RPL27A: variants seen among roughly 807,000 people sequenced by gnomAD.
The protein encoded by RPL27A is large ribosomal subunit protein uL15.
For synonymous variants in RPL27A, 69 were observed against 68.3 expected (o/e 1.01, Z -0.05); for missense variants, 118 against 189.4 (o/e 0.62, Z 2.21).
rs966150865 is a variant in RPL27A at position 8,683,567 on chromosome 11, G to A, written c.67+302G>A. 2.0e-4 allele frequency: 107 copies of A among 530,978 alleles called. 1 individual carries two copies. In the Admixed American group the frequency reaches 3.5e-3, roughly 17 times the overall value. The allele number at this position is 530,978 out of a possible 1,614,324, so 32.9% of individuals were successfully genotyped here. ...GGAATCCTAAAGTAATCGCATTGCT[G>A]AAAACCGGCATCGGTAGGGTGGGAA... On this transcript the variant is annotated intron_variant, in intron 2 of 4. Coordinates refer to ENST00000314138, the MANE Select transcript of RPL27A (RefSeq NM_000990.5).
chr11:8,684,948 C>G, intron 4 of RPL27A, 56 bp downstream of exon 4: 1 of 1,521,410 alleles, frequency 6.6e-7, no homozygotes, highest in South Asian at 1.1e-5. Context: ...AAAACTCTGG[C>G]TTAATCTAAT....
chr11:8,689,335 T>G lies in RPL27A; in HGVS notation c.*3529T>G, dbSNP rs2039616967. The stretch of plus-strand genomic sequence containing the variant: ...AGCGTCAGCGACATTCAAGGGCACT[T>G]TGGGCTAAAAAAGAAAGTGCTTGTA... On this transcript the variant is annotated 3_prime_UTR_variant, in exon 5 of 5. Coordinates refer to ENST00000314138, the MANE Select transcript of RPL27A (RefSeq NM_000990.5). 6.6e-6 allele frequency: 1 copy of G among 152,210 alleles called. No individual in the cohort carries two copies. Among genetic ancestry groups the G allele is most frequent in the East Asian group, 1.9e-4 (1 of 5,200 alleles). The allele number at this position is 152,210 out of a possible 1,614,324, so 9.4% of individuals were successfully genotyped here.
intron 3 of RPL27A, chr11:8,684,426 G>A (rs928361766): frequency 2.8e-6 from 2 of 715,068 alleles, no homozygotes; most frequent in Non-Finnish European, 5.2e-6. Context: ...TATTATAGGA[G>A]TATGTAGATT....
At chr11:8,685,565 C>T (rs746416449) in intron 4 of RPL27A, 113 bp from the exon 5 acceptor site, 1 of 1,224,900 alleles carries the variant, frequency 8.2e-7, no homozygotes, top group Non-Finnish European at 1.2e-6. Flanking sequence ...AGATCAGAAA[C>T]ATACATACCC....
At chr11:8,683,012 C>T in intron 1 of RPL27A, 190 bp from the exon 2 acceptor site, 5 of 870,376 alleles carry the variant, frequency 5.7e-6, no homozygotes, top group Non-Finnish European at 7.1e-6. Flanking sequence ...GTTCGGATCT[C>T]TAGGACACGC....
intron 3 of RPL27A, 140 bp from the exon 4 acceptor site, chr11:8,684,578 G>A (rs2039566662): frequency 1.3e-6 from 1 of 743,810 alleles, no homozygotes; most frequent in Non-Finnish European, 2.3e-6. Flanking sequence ...AGTTGTTTAA[G>A]TCAACAGATG....
At chr11:8,684,913 T>C (rs1415818161) in intron 4 of RPL27A, 21 bp downstream of exon 4, 1 of 1,611,958 alleles carries the variant, frequency 6.2e-7, no homozygotes, top group Admixed American at 1.7e-5. Flanking sequence ...TGGATGTTTT[T>C]CTGTACTTCC....
At chr11:8,683,160 C>T (rs1204126847) in intron 1 of RPL27A, 42 bp from the exon 2 acceptor site, 9 of 1,594,252 alleles carry the variant, frequency 5.6e-6, no homozygotes, top group African/African-American at 4.0e-5. Context: ...CGCCCCCTGC[C>T]CCTAATTCCT....
chr11:8,684,220 A>G, intron 3 of RPL27A, 139 bp downstream of exon 3: 1 of 802,722 alleles, frequency 1.2e-6, no homozygotes, highest in South Asian at 1.3e-5. Flanking sequence ...TGAACTGAGA[A>G]CCTGTCATCG....
rs1272807581 is a variant in RPL27A at position 8,688,554 on chromosome 11, G to A, written c.*2748G>A. 1 of 152,174 alleles carries A rather than the reference G, an allele frequency of 6.6e-6. No individual in the cohort carries two copies. The highest frequency in any genetic ancestry group is 2.4e-5 in the African/African-American group (1 of 41,430). The allele number at this position is 152,174 out of a possible 1,614,324, so 9.4% of individuals were successfully genotyped here. Reference sequence around the variant, plus strand: ...GCTTTGAATAGCCTGCTGTGTTCATGGAGGCTCATACTGGCGATCTCTAGT... The same window carrying A: ...GCTTTGAATAGCCTGCTGTGTTCATAGAGGCTCATACTGGCGATCTCTAGT... On this transcript the variant is annotated 3_prime_UTR_variant, in exon 5 of 5. Coordinates refer to ENST00000314138, the MANE Select transcript of RPL27A (RefSeq NM_000990.5).
In RPL27A at chr11:8,683,216, G is replaced by A. The variant is rs1039196189; in HGVS notation, c.18G>A (p.Arg6=). 6 of 1,614,252 alleles carry A rather than the reference G, an allele frequency of 3.7e-6. No individual in the cohort carries two copies. Among genetic ancestry groups the A allele is most frequent in the South Asian group, 1.1e-5 (1 of 91,088 alleles). The change falls in exon 2 of 5, where the codon AGG becomes AGA. Residue 6 remains arginine, a synonymous_variant. Coordinates refer to ENST00000314138, the MANE Select transcript of RPL27A (RefSeq NM_000990.5). ...TTTCCACACAGCCATCCAGACTGAGGAAGACCCGGAAACTTAGGGGCCACG... is the reference window on the plus strand; with the variant it reads ...TTTCCACACAGCCATCCAGACTGAGAAAGACCCGGAAACTTAGGGGCCACG... The part of the protein sequence containing the change: MPSRL[R]KTRKLRGHVS...
At position 8,688,733 on chromosome 11, in the gene RPL27A, G is replaced by A. The variant is rs1367699992; in HGVS notation, c.*2927G>A. ...ATTTGCACAAGCAGTGCTCGTCAAG[G>A]GCAGCTAAATCAGGCGAGCTTTCAA... On this transcript the variant is annotated 3_prime_UTR_variant, in exon 5 of 5. Transcript: ENST00000314138. 6.6e-6 allele frequency: 1 copy of A among 152,214 alleles called. No individual in the cohort carries two copies. The highest frequency in any genetic ancestry group is 1.5e-5 in the Non-Finnish European group (1 of 68,036). The allele number at this position is 152,214 out of a possible 1,614,324, so 9.4% of individuals were successfully genotyped here. A position where few individuals can be genotyped will look rare whatever the true frequency, so the allele number is the denominator to read the frequency against.
At position 8,689,467 on chromosome 11, in the gene RPL27A, G is replaced by A. The variant is rs1565594060; in HGVS notation, c.*3661G>A. On this transcript the variant is annotated 3_prime_UTR_variant, in exon 5 of 5. Transcript: ENST00000314138. ...TGCAGTTTTTTGTTCAACCCAATGCGTATTTTCATATTGAGAGGCAATATA... is the reference window on the plus strand; with the variant it reads ...TGCAGTTTTTTGTTCAACCCAATGCATATTTTCATATTGAGAGGCAATATA... The A allele has an allele frequency of 6.6e-6, 1 of 150,770 alleles. No individual in the cohort carries two copies. Among genetic ancestry groups the A allele is most frequent in the African/African-American group, 2.4e-5 (1 of 40,948 alleles). 9.3% of individuals were successfully genotyped at this position (150,770 alleles called of 1,614,324 possible).
rs915998661 is a variant in RPL27A, at chr11:8,688,418, A to T, written c.*2612A>T. The T allele has an allele frequency of 8.5e-5, 13 of 152,216 alleles. No homozygotes were observed. Among genetic ancestry groups the T allele is most frequent in the Non-Finnish European group, 1.8e-4 (12 of 68,038 alleles). The allele number at this position is 152,216 out of a possible 1,614,324, so 9.4% of individuals were successfully genotyped here. ...GAAGCTACAGCTACTAACAGTTCTA[A>T]AAACTGTTTCATGTGATGAGGAACA... On this transcript the variant is annotated 3_prime_UTR_variant, in exon 5 of 5. Coordinates refer to ENST00000314138, the MANE Select transcript of RPL27A (RefSeq NM_000990.5).
intron 4 of RPL27A, chr11:8,685,233 T>G: frequency 2.3e-6 from 1 of 426,556 alleles, no homozygotes; most frequent in Admixed American, 3.5e-5. Flanking sequence ...AGATGTATTA[T>G]GTCTGTCCTT....
chr11:8,683,107 C>A lies in RPL27A; in HGVS notation c.4-95C>A. The A allele has an allele frequency of 8.3e-6, 11 of 1,329,778 alleles. No homozygotes were observed. Among genetic ancestry groups the A allele is most frequent in the South Asian group, 1.2e-5 (1 of 84,622 alleles). 82.4% of individuals were successfully genotyped at this position (1,329,778 alleles called of 1,614,324 possible). A position where few individuals can be genotyped will look rare whatever the true frequency, so the allele number is the denominator to read the frequency against. On this transcript the variant is annotated intron_variant, in intron 1 of 4. Transcript: ENST00000314138. Reference sequence around the variant, plus strand: ...TTCCCAAACGCTCCAGAAGTTAGGTCTTTGACCCACAGGCTTACAGGACCA... The same window carrying A: ...TTCCCAAACGCTCCAGAAGTTAGGTATTTGACCCACAGGCTTACAGGACCA...
chr11:8,686,544 T>C lies in RPL27A; in HGVS notation c.*738T>C, dbSNP rs2039588148. 6.6e-6 allele frequency: 1 copy of C among 152,232 alleles called. No individual in the cohort carries two copies. Among genetic ancestry groups the C allele is most frequent in the South Asian group, 2.1e-4 (1 of 4,832 alleles). The allele number at this position is 152,232 out of a possible 1,614,324, so 9.4% of individuals were successfully genotyped here. A position where few individuals can be genotyped will look rare whatever the true frequency, so the allele number is the denominator to read the frequency against. On this transcript the variant is annotated 3_prime_UTR_variant, in exon 5 of 5. Transcript: ENST00000314138. ...TGCGCCCGGCCATGGCTCCTTAATC[T>C]TGATCCAAATTATTGTTACATCCAG...
At chr11:8,683,815 T>A in intron 2 of RPL27A, 191 bp from the exon 3 acceptor site, 1 of 605,564 alleles carries the variant, frequency 1.7e-6, no homozygotes, top group Admixed American at 2.4e-5. Flanking sequence ...GTAGCTGATA[T>A]TACAGGTGTG....
rs2039616441 is a variant in RPL27A at position 8,689,257 on chromosome 11, A to C, written c.*3451A>C. 1 of 152,226 alleles carries C rather than the reference A, an allele frequency of 6.6e-6. No homozygotes were observed. The allele number at this position is 152,226 out of a possible 1,614,324, so 9.4% of individuals were successfully genotyped here. A position where few individuals can be genotyped will look rare whatever the true frequency, so the allele number is the denominator to read the frequency against. On this transcript the variant is annotated 3_prime_UTR_variant, in exon 5 of 5. Transcript: ENST00000314138. ...GAACAGTGGGCGTGGCCTTTACGTA[A>C]ATCTTCGAGATGGGAACCTCCAGAA...
Sources: allele counts gnomAD v4.1 joint callset, GRCh38; gene constraint gnomAD v4.1.1; transcripts MANE v1.5; gene names NCBI Gene and HGNC (gene_info 2026-07-23, HGNC 2026-07-21).